Variants in UBE2D3 observed in about 807,000 individuals in gnomAD.
UBE2D3 encodes ubiquitin-conjugating enzyme E2 D3.
A neutral mutation model predicts 22.8 loss-of-function variants in UBE2D3; 2 were observed. That is an observed-to-expected ratio of 0.09 (90% CI 0.04 to 0.28). The LOEUF (loss-of-function observed/expected upper bound fraction) is 0.28, where lower values mean the gene tolerates loss of function less well. UBE2D3 is among the 10% of genes least tolerant of loss of function. The pLI, the probability that UBE2D3 is intolerant of heterozygous loss-of-function variation, is 1.00. For synonymous variants in UBE2D3, 56 were observed against 60.4 expected (o/e 0.93, Z 0.34); for missense variants, 27 against 182.5 (o/e 0.15, Z 4.91).
In UBE2D3 at chr4:102,856,094, G is replaced by A. The variant is rs149835139; in HGVS notation, c.-129+12621C>T. Among the ~76,000 whole-genome samples, 4 of 152,304 alleles carry A rather than the reference G, an allele frequency of 2.6e-5. No homozygotes were observed. In the East Asian group the frequency reaches 7.7e-4, roughly 29 times the overall value. On this transcript the variant is annotated intron_variant, in intron 1 of 7. Coordinates refer to the UBE2D3 transcript ENST00000338145. Reference sequence around the variant, plus strand: ...TAAAATAAGGATCATAGCTGGGCATGGTGGCTCATGCCTGTACTCCCAGCA... The same window carrying A: ...TAAAATAAGGATCATAGCTGGGCATAGTGGCTCATGCCTGTACTCCCAGCA...
intron 2 of UBE2D3, chr4:102,811,899 C>G (rs1023889333): frequency 5.9e-6 from 2 of 340,968 alleles, no homozygotes; most frequent in African/African-American, 4.5e-5. Flanking sequence ...AACTGTCTAC[C>G]ACAATATCAA....
rs1006278045 is a variant in UBE2D3, at chr4:102,825,634, T to C, written c.24+851A>G. The C allele has an allele frequency of 9.0e-5, 103 of 1,141,044 alleles. 1 individual carries two copies. Among genetic ancestry groups the C allele is most frequent in the African/African-American group, 2.7e-4 (17 of 62,066 alleles). 70.7% of individuals were successfully genotyped at this position (1,141,044 alleles called of 1,614,324 possible). On this transcript the variant is annotated intron_variant, in intron 2 of 7. Coordinates refer to ENST00000453744, the MANE Select transcript of UBE2D3 (RefSeq NM_181891.3). ...AGCTCCGAAAAATCCTAGTTTTTTT[T>C]CAACTTAAATCGATAATATACTATC...
At chr4:102,839,950 C>T (rs577611443) in intron 1 of UBE2D3, among the ~76,000 whole-genome samples, 73 of 152,122 alleles carry the variant, frequency 4.8e-4, no homozygotes, top group Non-Finnish European at 9.6e-4. Context: ...AAAATAACCC[C>T]ATTAAAAGTG....
At chr4:102,827,890 C>A (rs1410256175), upstream of UBE2D3, 2 of 985,484 alleles carry the variant, frequency 2.0e-6, no homozygotes, top group African/African-American at 3.5e-5. Context: ...AGGAAGCAGC[C>A]GCTGCGCGAT....
chr4:102,833,013 ATGTTTATAG>A (rs1731194962), intron 1 of UBE2D3, among the ~76,000 whole-genome samples: 1 of 151,048 alleles, frequency 6.6e-6, no homozygotes. Context: ...AAAAAAAAAA[ATGTTTATAG>A]AAAAACAAAA....
At chr4:102,823,449 G>A (rs888759649) in intron 2 of UBE2D3, among the ~76,000 whole-genome samples, 1 of 152,192 alleles carries the variant, frequency 6.6e-6, no homozygotes. Context: ...CTAGCCGCTT[G>A]CTTATAATCA....
chr4:102,820,676 T>G (rs1424655195), intron 2 of UBE2D3, among the ~76,000 whole-genome samples: 1 of 152,154 alleles, frequency 6.6e-6, no homozygotes, highest in East Asian at 1.9e-4. Context: ...AAATTTAGAT[T>G]TGAAGCTCTG....
intron 1 of UBE2D3, 35 bp downstream of exon 1, chr4:102,827,392 C>T (rs968868040): frequency 1.0e-6 from 1 of 986,184 alleles, no homozygotes; most frequent in South Asian, 4.7e-5. Flanking sequence ...GGCCGGCCTC[C>T]CTTCCCTGCC....
intron 2 of UBE2D3, among the ~76,000 whole-genome samples, chr4:102,821,543 AT>A (rs1729617593): frequency 6.6e-6 from 1 of 152,006 alleles, no homozygotes; most frequent in Non-Finnish European, 1.5e-5. Context: ...CACCTAGAAA[AT>A]TTTCAAAATT....
rs1260790789 is a variant in UBE2D3, at chr4:102,796,436, C to CT, written c.*978dup. ...GTGTCAACCTGTAACAGACTGTGCA[C>CT]TTTAACTGAACATGGCAAAATATTC... On this transcript the variant is annotated 3_prime_UTR_variant, in exon 8 of 8. Coordinates refer to ENST00000453744, the MANE Select transcript of UBE2D3 (RefSeq NM_181891.3). 9 of 152,546 alleles carry CT rather than the reference C, an allele frequency of 5.9e-5. No individual in the cohort carries two copies. The East Asian group carries it at 1.7e-3, about 29-fold the overall frequency. 9.4% of individuals were successfully genotyped at this position (152,546 alleles called of 1,614,324 possible).
chr4:102,834,695 G>A (rs1250689954), intron 1 of UBE2D3, among the ~76,000 whole-genome samples: 2 of 151,836 alleles, frequency 1.3e-5, no homozygotes, highest in South Asian at 2.1e-4. Context: ...GCTGCAGTGA[G>A]CTGTGATCAG....
chr4:102,863,586 C>T (rs560371521), intron 1 of UBE2D3, among the ~76,000 whole-genome samples: 5 of 152,228 alleles, frequency 3.3e-5, no homozygotes, highest in South Asian at 2.1e-4. Flanking sequence ...CTCCATCTCC[C>T]GGGTTCAAGT....
In UBE2D3 at chr4:102,822,022, T is replaced by C. The variant is rs577555609; in HGVS notation, c.24+4463A>G. Among the ~76,000 whole-genome samples the C allele has an allele frequency of 3.3e-5, 5 of 152,340 alleles. 1 individual carries two copies. In the South Asian group the frequency reaches 1.0e-3, roughly 32 times the overall value. On this transcript the variant is annotated intron_variant, in intron 2 of 7. Coordinates refer to ENST00000453744, the MANE Select transcript of UBE2D3 (RefSeq NM_181891.3). ...TTTTAATAGATAGATTATAGCAACA[T>C]GCTGTGGAGAATCCTCAAAGATTGC...
intron 2 of UBE2D3, among the ~76,000 whole-genome samples, chr4:102,826,195 G>C (rs1730455649): frequency 6.6e-6 from 1 of 151,738 alleles, no homozygotes; most frequent in South Asian, 2.1e-4. Flanking sequence ...TTCTTAAGCA[G>C]CAAAAAAATA....
chr4:102,825,663 C>G (rs1473785198), intron 2 of UBE2D3: 2 of 942,746 alleles, frequency 2.1e-6, no homozygotes, highest in Non-Finnish European at 3.0e-6. Context: ...TACTATCAAA[C>G]CACATTTCAA....
intron 2 of UBE2D3, among the ~76,000 whole-genome samples, chr4:102,822,063 A>G (rs538288272): frequency 1.3e-5 from 2 of 152,366 alleles, no homozygotes; most frequent in South Asian, 4.1e-4. Context: ...TTGGATAAAA[A>G]GGGTCACCTA....
intron 1 of UBE2D3, among the ~76,000 whole-genome samples, chr4:102,834,444 A>G (rs905043641): frequency 1.3e-5 from 2 of 152,084 alleles, no homozygotes; most frequent in African/African-American, 4.8e-5. Flanking sequence ...ATTAGACCCA[A>G]TAGAAAAAGT....
At chr4:102,827,346 G>A (rs1392852497) in intron 1 of UBE2D3, 81 bp downstream of exon 1, 19 of 981,702 alleles carry the variant, frequency 1.9e-5, no homozygotes, top group Non-Finnish European at 2.2e-5. Context: ...AAGCCGCCCA[G>A]GTCCCGCACT....
intron 1 of UBE2D3, among the ~76,000 whole-genome samples, chr4:102,837,577 T>C: frequency 6.6e-6 from 1 of 152,024 alleles, no homozygotes. Context: ...AATCCCAGCA[T>C]TTTGGGAGGC....
Sources: allele counts gnomAD v4.1 joint callset (sites outside exome capture counted in the v4.1 genomes callset), GRCh38; gene constraint gnomAD v4.1.1; transcripts MANE v1.5; gene names NCBI Gene and HGNC (gene_info 2026-07-23, HGNC 2026-07-21).